Variants in LRIG1 observed in about 807,000 individuals in gnomAD.
LRIG1 encodes the protein leucine-rich repeats and immunoglobulin-like domains protein 1.
In LRIG1, 48 loss-of-function variants were observed where a neutral mutation model predicts 99.2. The ratio of observed to expected loss-of-function variants is 0.48; its 90% CI spans 0.38 to 0.62. The LOEUF (loss-of-function observed/expected upper bound fraction) is 0.62, where lower values mean the gene tolerates loss of function less well. Among genes scored for constraint, LRIG1 ranks in the 20% least tolerant of loss-of-function variants. The pLI, the probability that LRIG1 is intolerant of heterozygous loss-of-function variation, is 0.00. For synonymous variants in LRIG1, 772 were observed against 596.1 expected (o/e 1.29, Z -4.30); for missense variants, 1,646 against 1,434.4 (o/e 1.15, Z -2.38).
At chr3:66,389,733 C>T (rs1452414884) in intron 12 of LRIG1, among the ~76,000 whole-genome samples, 3 of 152,024 alleles carry the variant, frequency 2.0e-5, no homozygotes, top group East Asian at 3.8e-4. Flanking sequence ...ACTTCAATAC[C>T]CCACTTTCAA....
Position 66,384,236 on chromosome 3 carries a change from G to T in LRIG1, c.1826C>A (p.Thr609Asn). 1 of 1,613,408 alleles carries T rather than the reference G, an allele frequency of 6.2e-7. No homozygotes were observed. Among genetic ancestry groups the T allele is most frequent in the South Asian group, 1.1e-5 (1 of 91,066 alleles). ...GCGGGCCATGGTGGTGGTCCGGATG[G>T]TTATGTCGTGGGGCGTTTTGGTGAA... ...PSFTKTPHDITIRTTTMARLE... is the reference protein window; with the variant it reads ...PSFTKTPHDINIRTTTMARLE... The change falls in exon 14 of 19, where the codon ACC becomes AAC. Residue 609 changes from threonine to asparagine, a missense_variant. By Grantham distance (65) the Thr-to-Asn change is moderately conservative. Transcript: ENST00000273261.
intron 3 of LRIG1, among the ~76,000 whole-genome samples, chr3:66,428,521 A>G (rs1289184875): frequency 1.3e-5 from 2 of 152,246 alleles, no homozygotes; most frequent in Non-Finnish European, 2.9e-5. Context: ...GCAAGAAATA[A>G]TGTTGATGCT....
chr3:66,408,954 GTGTGT>G (rs1702370368), intron 7 of LRIG1, among the ~76,000 whole-genome samples: 5 of 131,544 alleles, frequency 3.8e-5, no homozygotes, highest in Non-Finnish European at 3.3e-5. Context: ...GTGTGTGTGT[GTGTGT>G]GTGGTGGGGG....
chr3:66,380,783 T>TG lies in LRIG1; in HGVS notation c.2848dup (p.Gln950ProfsTer22), dbSNP rs1559762067. The TG allele has an allele frequency of 6.2e-7, 1 of 1,614,184 alleles. No individual in the cohort carries two copies. ...CTGTGCGCTGTCTCTGGACACAGGC[T>TG]GGGGGTGGAAGGCTTGTCCCCTGGA... is the stretch of plus-strand genomic sequence containing the variant. On this transcript the variant is annotated frameshift_variant, in exon 18 of 19. Transcript: ENST00000273261. LOFTEE classifies it high-confidence loss of function.
intron 1 of LRIG1, among the ~76,000 whole-genome samples, chr3:66,487,165 A>T (rs1406098017): frequency 2.0e-5 from 3 of 152,206 alleles, no homozygotes; most frequent in African/African-American, 4.8e-5. Context: ...TTTTAGGTCA[A>T]ATATTCTCTC....
intron 1 of LRIG1, among the ~76,000 whole-genome samples, chr3:66,497,064 T>A (rs748941684): frequency 6.6e-6 from 1 of 152,244 alleles, no homozygotes; most frequent in Non-Finnish European, 1.5e-5. Context: ...AATAAACTCA[T>A]CTTAATGTGG....
intron 1 of LRIG1, among the ~76,000 whole-genome samples, chr3:66,471,384 T>G (rs1700592163): frequency 6.6e-6 from 1 of 152,026 alleles, no homozygotes; most frequent in African/African-American, 2.4e-5. Flanking sequence ...CCCCCTATCC[T>G]CACCCCATCC....
intron 2 of LRIG1, among the ~76,000 whole-genome samples, chr3:66,458,739 AGGCGTGGTG>A (rs1166138815): frequency 6.6e-6 from 1 of 151,842 alleles, no homozygotes; most frequent in Admixed American, 6.6e-5. Flanking sequence ...ATATCAGGCC[AGGCGTGGTG>A]GCTCATGCCT....
At chr3:66,413,164 C>G in intron 5 of LRIG1, 150 bp from the exon 6 acceptor site, 1 of 842,000 alleles carries the variant, frequency 1.2e-6, no homozygotes, top group Admixed American at 2.4e-5. Flanking sequence ...GGGAGCCCAC[C>G]ATGTGTCTCG....
chr3:66,382,765 A>ACTTGTATTTGTGAGTATTC (rs1330331353), intron 15 of LRIG1, among the ~76,000 whole-genome samples: 2 of 152,172 alleles, frequency 1.3e-5, no homozygotes, highest in Non-Finnish European at 2.9e-5. Flanking sequence ...TGCGTCAGTT[A>ACTTGTATTTGTGAGTATTC]CTTGTATTTG....
chr3:66,439,975 C>T (rs921620237), intron 3 of LRIG1, among the ~76,000 whole-genome samples: 5 of 151,994 alleles, frequency 3.3e-5, no homozygotes, highest in African/African-American at 9.7e-5. Context: ...AAAATGAAGG[C>T]CAGCCTCAAT....
At chr3:66,466,941 A>T (rs993357334) in intron 1 of LRIG1, among the ~76,000 whole-genome samples, 1 of 152,238 alleles carries the variant, frequency 6.6e-6, no homozygotes, top group Non-Finnish European at 1.5e-5. Flanking sequence ...CCATTGTCAT[A>T]ACACAAATTT....
In LRIG1 at chr3:66,470,978, C is replaced by A. The variant is rs139186265; in HGVS notation, c.219-8469G>T. ...TAGTCTCTTGTTAATATGGTATGTG[C>A]ATCATTAACCCCTAAAGATTAATTA... On this transcript the variant is annotated intron_variant, in intron 1 of 18. Coordinates refer to ENST00000273261, the MANE Select transcript of LRIG1 (RefSeq NM_015541.3). Among the ~76,000 whole-genome samples the A allele has an allele frequency of 5.7e-3, 871 of 152,266 alleles. 2 individuals carry two copies. Among genetic ancestry groups the A allele is most frequent in the African/African-American group, 0.02 (816 of 41,548 alleles).
At position 66,380,565 on chromosome 3, in the gene LRIG1, G is replaced by C; in HGVS notation, c.3055+12C>G. 1 of 1,613,370 alleles carries C rather than the reference G, an allele frequency of 6.2e-7. No individual in the cohort carries two copies. Among genetic ancestry groups the C allele is most frequent in the Non-Finnish European group, 8.5e-7 (1 of 1,179,354 alleles). On this transcript the variant is annotated intron_variant, in intron 18 of 18. Coordinates refer to ENST00000273261, the MANE Select transcript of LRIG1 (RefSeq NM_015541.3). The stretch of plus-strand genomic sequence containing the variant: ...CTCCCAACCCACCTGTTAGAAGACA[G>C]TCAAAAGTTACCTTTCCCATCTAGA...
At chr3:66,486,069 T>C (rs577254989) in intron 1 of LRIG1, among the ~76,000 whole-genome samples, 2 of 152,316 alleles carry the variant, frequency 1.3e-5, no homozygotes, top group East Asian at 1.9e-4. Flanking sequence ...CTGGGCCTCA[T>C]GTATACAACA....
chr3:66,474,660 T>C (rs576305252), intron 1 of LRIG1, among the ~76,000 whole-genome samples: 1 of 152,314 alleles, frequency 6.6e-6, no homozygotes, highest in Non-Finnish European at 1.5e-5. Context: ...CTACATTCAA[T>C]GTGGCTGGGT....
At chr3:66,435,504 G>C (rs1448220897) in intron 3 of LRIG1, among the ~76,000 whole-genome samples, 1 of 152,170 alleles carries the variant, frequency 6.6e-6, no homozygotes, top group East Asian at 1.9e-4. Context: ...ACGTAAACCT[G>C]GAAGACTGAG....
intron 4 of LRIG1, among the ~76,000 whole-genome samples, chr3:66,415,806 TA>T (rs1702600644): frequency 6.6e-6 from 1 of 152,152 alleles, no homozygotes; most frequent in African/African-American, 2.4e-5. Flanking sequence ...GAAAAGAAAG[TA>T]CAAGGAAGAA....
intron 11 of LRIG1, among the ~76,000 whole-genome samples, chr3:66,394,888 G>A (rs1189005091): frequency 6.6e-6 from 1 of 152,224 alleles, no homozygotes; most frequent in Non-Finnish European, 1.5e-5. Context: ...TCCCTAAATA[G>A]TGCTTGTTAG....
Sources: gnomAD v4.1 joint callset for allele counts (sites outside exome capture counted in the v4.1 genomes callset) on GRCh38, gnomAD v4.1.1 for gene constraint, MANE v1.5 for transcripts, NCBI Gene and HGNC (gene_info 2026-07-23, HGNC 2026-07-21) for gene names.